The following RALGAPA1 variants were observed in gnomAD, a reference collection of about 807,000 sequenced individuals.
The protein encoded by RALGAPA1 is Ral GTPase activating protein catalytic subunit alpha 1, also known as ral GTPase-activating protein subunit alpha-1.
In RALGAPA1, 52 loss-of-function variants were observed where a neutral mutation model predicts 269.6. The ratio of observed to expected loss-of-function variants is 0.19; its 90% CI spans 0.15 to 0.24. The LOEUF (loss-of-function observed/expected upper bound fraction) is 0.24, where lower values mean the gene tolerates loss of function less well. RALGAPA1 is among the 10% of genes least tolerant of loss of function. The pLI, the probability that RALGAPA1 is intolerant of heterozygous loss-of-function variation, is 1.00. For synonymous variants in RALGAPA1, 817 were observed against 1,008.3 expected, an observed-to-expected ratio of 0.81 and a Z score of 3.60; for missense variants, 1,917 against 3,013.9, an observed-to-expected ratio of 0.64 and a Z score of 8.52.
At chr14:35,670,840 T>C (rs1405850789) in intron 26 of RALGAPA1, among the ~76,000 whole-genome samples, 1 of 151,886 alleles carries the variant, frequency 6.6e-6, no homozygotes, top group African/African-American at 2.4e-5. Context: ...GGAGAATCAC[T>C]TGGACCTGTG....
At chr14:35,744,362 A>G (rs1006383335) in intron 10 of RALGAPA1, among the ~76,000 whole-genome samples, 3 of 104,822 alleles carry the variant, frequency 2.9e-5, no homozygotes, top group African/African-American at 1.2e-4. Context: ...CAAGAACAAG[A>G]CTCCATCTCA....
chr14:35,806,800 C>CA (rs1322095557), intron 1 of RALGAPA1, among the ~76,000 whole-genome samples: 1 of 152,106 alleles, frequency 6.6e-6, no homozygotes, highest in African/African-American at 2.4e-5. Context: ...TTTCCATCTG[C>CA]AAAATCAAAT....
intron 41 of RALGAPA1, among the ~76,000 whole-genome samples, chr14:35,540,948 G>C (rs947354078): frequency 6.7e-6 from 1 of 149,262 alleles, no homozygotes. Flanking sequence ...GTTACTGAAT[G>C]TTTATAAACA....
chr14:35,654,051 T>C (rs978445836), intron 30 of RALGAPA1, among the ~76,000 whole-genome samples: 13 of 152,244 alleles, frequency 8.5e-5, no homozygotes, highest in Admixed American at 6.5e-4. Context: ...TTACCTAGGC[T>C]GGTCTCTAAG....
At chr14:35,764,449 T>C (rs888457693) in intron 4 of RALGAPA1, among the ~76,000 whole-genome samples, 11 of 152,324 alleles carry the variant, frequency 7.2e-5, no homozygotes, top group Middle Eastern at 3.4e-3. Flanking sequence ...TCTATTTCTA[T>C]GAATTGAAAA....
intron 5 of RALGAPA1, among the ~76,000 whole-genome samples, chr14:35,761,510 GATTTA>G (rs904129805): frequency 8.0e-5 from 12 of 150,762 alleles, no homozygotes; most frequent in African/African-American, 2.9e-4. Context: ...AAAATAAAAT[GATTTA>G]ATTTAAATAA....
chr14:35,666,573 T>C (rs2063957438), intron 26 of RALGAPA1, among the ~76,000 whole-genome samples: 1 of 152,200 alleles, frequency 6.6e-6, no homozygotes, highest in Admixed American at 6.5e-5. Flanking sequence ...TGTTTTAACC[T>C]TATTGTGGAG....
chr14:35,638,656 G>A (rs563528756), intron 31 of RALGAPA1, among the ~76,000 whole-genome samples: 8 of 152,178 alleles, frequency 5.3e-5, no homozygotes, highest in Non-Finnish European at 7.4e-5. Context: ...TGGGCACGGC[G>A]GCTCACACCT....
In RALGAPA1 at chr14:35,595,656, G is replaced by C. The variant is rs1476873279; in HGVS notation, c.7187C>G (p.Ser2396Cys). Reference protein sequence around the residue: ...FHVSTRMPSDSDDSLTKKLRH... With the variant: ...FHVSTRMPSDCDDSLTKKLRH... Reference sequence around the variant, plus strand: ...TACTTTTTTGGTCAAAGAATCATCAGAATCAGAAGGCATTCTTGTTGACAC... The same window carrying C: ...TACTTTTTTGGTCAAAGAATCATCACAATCAGAAGGCATTCTTGTTGACAC... The change falls in exon 37 of 42, where the codon TCT (serine) becomes TGT (cysteine). Residue 2396 changes from serine (S) to cysteine (C), a missense_variant. By Grantham distance (112) the Ser-to-Cys change is moderately radical. Around this residue, in one of 11 missense-constraint regions of RALGAPA1, gnomAD observed 132 missense variants for 271.2 expected, o/e 0.49. Transcript: ENST00000680220. The C allele has an allele frequency of 6.2e-7, 1 of 1,611,750 alleles. No homozygotes were observed. The highest frequency in any genetic ancestry group is 8.5e-7 in the Non-Finnish European group (1 of 1,179,080).
intron 37 of RALGAPA1, among the ~76,000 whole-genome samples, chr14:35,578,853 G>A (rs975592318): frequency 1.3e-5 from 2 of 152,176 alleles, no homozygotes; most frequent in Admixed American, 1.3e-4. Flanking sequence ...ATGCCAACAG[G>A]CCTGGTACTA....
At chr14:35,571,606 G>A (rs1382908193) in intron 38 of RALGAPA1, among the ~76,000 whole-genome samples, 3 of 152,046 alleles carry the variant, frequency 2.0e-5, no homozygotes, top group Non-Finnish European at 2.9e-5. Context: ...CCCGGGAGGC[G>A]GAGGTTGCAG....
chr14:35,767,804 A>AT (rs1003989761), intron 4 of RALGAPA1, among the ~76,000 whole-genome samples: 47 of 152,002 alleles, frequency 3.1e-4, no homozygotes, highest in African/African-American at 1.1e-3. Flanking sequence ...ACAGGGTATC[A>AT]TTTTTTTACT....
In RALGAPA1 at chr14:35,750,744, G is replaced by GA. The variant is rs770193252; in HGVS notation, c.803-55dup. ...CAAAATAAGAAAGAAATTATGTTTAGAAAAAACCTACATTTTTAAATACTT... is the reference window on the plus strand; with the variant it reads ...CAAAATAAGAAAGAAATTATGTTTAGAAAAAAACCTACATTTTTAAATACTT... On this transcript the variant is annotated intron_variant, in intron 8 of 41. Transcript: ENST00000680220. 24 of 1,401,746 alleles carry GA rather than the reference G, an allele frequency of 1.7e-5. No individual in the cohort carries two copies. The East Asian group carries it at 2.3e-4, about 14-fold the overall frequency. 86.8% of individuals were successfully genotyped at this position (1,401,746 alleles called of 1,614,324 possible). A position where few individuals can be genotyped will look rare whatever the true frequency, so the allele number is the denominator to read the frequency against.
Position 35,721,799 on chromosome 14 carries a change from C to T in RALGAPA1, c.2155G>A (p.Gly719Arg). The change falls in exon 16 of 42, where the codon GGA becomes AGA. Residue 719 changes from glycine (G) to arginine (R), a missense_variant. Around this residue, in one of 11 missense-constraint regions of RALGAPA1, gnomAD observed 125 missense variants for 155.7 expected, o/e 0.80. Transcript: ENST00000680220. ...KVSVDKSFSR[G>R]WSRDQPGQAP... The stretch of plus-strand genomic sequence containing the variant: ...TGGCCAGGCTGATCACGACTCCATC[C>T]TCTAGAAAATGACTTGTCAACTGAA... 2 of 1,613,298 alleles carry T rather than the reference C, an allele frequency of 1.2e-6. No homozygotes were observed. Among genetic ancestry groups the T allele is most frequent in the Non-Finnish European group, 1.7e-6 (2 of 1,179,308 alleles).
In RALGAPA1 at chr14:35,657,694, T is replaced by A. The variant is rs1244885914; in HGVS notation, c.5387+1444A>T. On this transcript the variant is annotated intron_variant, in intron 28 of 41. Transcript: ENST00000680220. Reference sequence around the variant, plus strand: ...GAAGCAACATATATATATATATTTTTTTTTTTTTTTGGTAAAAAAAAGCAA... The same window carrying A: ...GAAGCAACATATATATATATATTTTATTTTTTTTTTGGTAAAAAAAAGCAA... Among the ~76,000 whole-genome samples, 772 of 149,988 alleles carry A rather than the reference T, an allele frequency of 5.1e-3. 4 individuals are homozygous for A. Among genetic ancestry groups the A allele is most frequent in the African/African-American group, 0.016 (649 of 40,900 alleles).
chr14:35,541,856 G>A, intron 41 of RALGAPA1: 1 of 463,298 alleles, frequency 2.2e-6, no homozygotes, highest in Non-Finnish European at 4.3e-6. Context: ...GAAAGCAAAA[G>A]AGAAGATAGA....
intron 21 of RALGAPA1, among the ~76,000 whole-genome samples, chr14:35,679,752 G>A (rs1047632043): frequency 3.9e-5 from 6 of 152,036 alleles, no homozygotes; most frequent in African/African-American, 1.4e-4. Context: ...TATCATACAG[G>A]CATTTTTTTT....
At chr14:35,642,249 C>T (rs912390596) in intron 31 of RALGAPA1, among the ~76,000 whole-genome samples, 13 of 152,070 alleles carry the variant, frequency 8.5e-5, no homozygotes, top group African/African-American at 2.9e-4. Context: ...CAAATAGGAT[C>T]ACATAAAGTT....
At chr14:35,742,985 C>T (rs191410345) in intron 10 of RALGAPA1, among the ~76,000 whole-genome samples, 55 of 152,250 alleles carry the variant, frequency 3.6e-4, no homozygotes, top group African/African-American at 1.3e-3. Context: ...GGATGCCATT[C>T]CATTGTGGGG....
Sources: allele counts gnomAD v4.1 joint callset (sites outside exome capture counted in the v4.1 genomes callset), GRCh38; gene constraint gnomAD v4.1.1; regional missense constraint gnomAD v4.1.1; transcripts MANE v1.5; gene names NCBI Gene and HGNC (gene_info 2026-07-23, HGNC 2026-07-21).